Variants in CACNA1C observed in about 807,000 individuals in gnomAD.
CACNA1C encodes voltage-dependent L-type calcium channel subunit alpha-1C.
A neutral mutation model predicts 229.0 loss-of-function variants in CACNA1C; 30 were observed. The observed-to-expected ratio is 0.13, with a 90% CI of 0.10 to 0.18. The LOEUF is 0.18. CACNA1C is among the 10% of genes least tolerant of loss of function. The pLI, the probability that CACNA1C is intolerant of heterozygous loss-of-function variation, is 1.00. For synonymous variants in CACNA1C, 1,114 were observed against 1,132.5 expected, an observed-to-expected ratio of 0.98 and a Z score of 0.33; for missense variants, 1,658 against 2,845.0, an observed-to-expected ratio of 0.58 and a Z score of 9.49.
chr12:2,284,691 T>C (rs2092328570), intron 3 of CACNA1C, among the ~76,000 whole-genome samples: 1 of 152,242 alleles, frequency 6.6e-6, no homozygotes, highest in South Asian at 2.1e-4. Context: ...CTGTGCACTC[T>C]ATGGGGTCCT....
At chr12:2,341,909 A>G (rs1378379510) in intron 3 of CACNA1C, among the ~76,000 whole-genome samples, 3 of 152,138 alleles carry the variant, frequency 2.0e-5, no homozygotes, top group African/African-American at 7.2e-5. Flanking sequence ...ACATAGCCCC[A>G]TTCAGCTCAT....
chr12:2,289,173 CAG>C lies in CACNA1C; in HGVS notation c.478-159802_478-159801del, dbSNP rs200158013. On this transcript the variant is annotated intron_variant, in intron 3 of 46. Transcript: ENST00000399655. Reference sequence around the variant, plus strand: ...TGCTGGGTCTTCTCTCCTGCAGTGTCAGGGGGTGCAGACAGTACAGAGGGAGG... The same window carrying C: ...TGCTGGGTCTTCTCTCCTGCAGTGTCGGGGTGCAGACAGTACAGAGGGAGG... 9.4e-3 allele frequency among the ~76,000 whole-genome samples: 1,437 copies of C among 152,240 alleles called. 18 individuals are homozygous for C. Among genetic ancestry groups the C allele is most frequent in the African/African-American group, 0.033 (1,381 of 41,546 alleles).
intron 1 of CACNA1C, chr12:2,019,991 C>A (rs1433597572): frequency 6.6e-6 from 1 of 152,152 alleles, no homozygotes; most frequent in African/African-American, 2.4e-5. Context: ...TAAAGGTATA[C>A]ATTTCTTTCA....
At chr12:2,360,156 A>ACCCCCCC (rs796441635) in intron 3 of CACNA1C, among the ~76,000 whole-genome samples, 54 of 57,056 alleles carry the variant, frequency 9.5e-4, no homozygotes, top group East Asian at 1.4e-3. Context: ...AACACACCCC[A>ACCCCCCC]CCCCCCCCCA....
chr12:2,526,129 G>C (rs1287392412), intron 9 of CACNA1C, among the ~76,000 whole-genome samples: 2 of 152,198 alleles, frequency 1.3e-5, no homozygotes, highest in African/African-American at 4.8e-5. Context: ...CTGGTACCAG[G>C]TGCTGGATTC....
intron 3 of CACNA1C, among the ~76,000 whole-genome samples, chr12:2,417,022 G>A (rs779002552): frequency 3.3e-5 from 5 of 152,140 alleles, no homozygotes; most frequent in Non-Finnish European, 5.9e-5. Flanking sequence ...GTCTTGTTCC[G>A]TACACACCTC....
chr12:2,504,971 T>C lies in CACNA1C; in HGVS notation c.1217+26T>C, dbSNP rs1234649591. 4.5e-6 allele frequency: 5 copies of C among 1,103,090 alleles called. No homozygotes were observed. In the East Asian group the frequency reaches 9.4e-5, roughly 21 times the overall value. The allele number at this position is 1,103,090 out of a possible 1,614,324, so 68.3% of individuals were successfully genotyped here. A position where few individuals can be genotyped will look rare whatever the true frequency, so the allele number is the denominator to read the frequency against. On this transcript the variant is annotated intron_variant, in intron 8 of 46. Transcript: ENST00000399655. The surrounding 1 kb of genome is among the most constrained non-coding windows in gnomAD (Gnocchi z 6.8). ...GTAAGCAGGACCAAGGAAAAAGGTC[T>C]TGATTTTTCCATTTATTTTTATTTA...
At chr12:2,615,661 G>A (rs1397032064) in intron 29 of CACNA1C, among the ~76,000 whole-genome samples, 2 of 152,174 alleles carry the variant, frequency 1.3e-5, no homozygotes, top group Non-Finnish European at 2.9e-5. Flanking sequence ...AGCCCCTTCG[G>A]GCAGCTCTGA....
rs567254272 is a variant in CACNA1C at position 2,574,442 on chromosome 12, G to A, written c.1895+6648G>A. ...GACACACTTGGTTTTCAAGTGCAGT[G>A]AGGCCCCTCTAGCACTTGCTGTTTC... is the stretch of plus-strand genomic sequence containing the variant. On this transcript the variant is annotated intron_variant, in intron 13 of 46. Transcript: ENST00000399655. Among the ~76,000 whole-genome samples the A allele has an allele frequency of 1.8e-4, 28 of 152,304 alleles. No homozygotes were observed. In the South Asian group the frequency reaches 5.0e-3, roughly 27 times the overall value.
chr12:2,238,069 G>A (rs1445753063), intron 3 of CACNA1C, among the ~76,000 whole-genome samples: 1 of 152,174 alleles, frequency 6.6e-6, no homozygotes, highest in Non-Finnish European at 1.5e-5. Flanking sequence ...CCCACGGGTG[G>A]CAGAGACTCT....
chr12:2,426,325 T>A (rs894428795), intron 3 of CACNA1C, among the ~76,000 whole-genome samples: 6 of 152,126 alleles, frequency 3.9e-5, no homozygotes, highest in African/African-American at 1.4e-4. Context: ...GACAACAGTG[T>A]GTGAGAGATG....
chr12:2,344,103 A>C, intron 3 of CACNA1C, among the ~76,000 whole-genome samples: 1 of 152,200 alleles, frequency 6.6e-6, no homozygotes, highest in East Asian at 1.9e-4. Flanking sequence ...TTAGGTTACC[A>C]AAGACTTCCG....
chr12:2,572,760 CTTCTTCTGT>C (rs2056553172), intron 13 of CACNA1C, among the ~76,000 whole-genome samples: 2 of 133,070 alleles, frequency 1.5e-5, no homozygotes, highest in East Asian at 2.5e-4. Flanking sequence ...CTTCCTCCTC[CTTCTTCTGT>C]TCCTCCTTCT....
intron 3 of CACNA1C, among the ~76,000 whole-genome samples, chr12:2,334,151 G>T (rs1438724767): frequency 1.3e-5 from 2 of 152,104 alleles, no homozygotes; most frequent in African/African-American, 2.4e-5. Flanking sequence ...TCTCCTTCAG[G>T]TTACCCCCAC....
rs1208111281 is a variant in CACNA1C, at chr12:2,215,221, G to C, written c.477+94791G>C. Among the ~76,000 whole-genome samples, 1 of 152,190 alleles carries C rather than the reference G, an allele frequency of 6.6e-6. No homozygotes were observed. Among genetic ancestry groups the C allele is most frequent in the Admixed American group, 6.5e-5 (1 of 15,284 alleles). On this transcript the variant is annotated intron_variant, in intron 3 of 46. Coordinates refer to ENST00000399655, the MANE Select transcript of CACNA1C (RefSeq NM_000719.7). The surrounding 1 kb of genome is among the most constrained non-coding windows in gnomAD (Gnocchi z 5.0). ...CTTGGATTTAATCTGCTATTTGTGG[G>C]TGTTCTGTTGCATTCAGTGGGGCTT...
At chr12:2,391,919 G>A (rs1035154959) in intron 3 of CACNA1C, among the ~76,000 whole-genome samples, 1 of 152,210 alleles carries the variant, frequency 6.6e-6, no homozygotes, top group African/African-American at 2.4e-5. Flanking sequence ...CTGCCACGTG[G>A]CTGGTGGCCA....
intron 1 of CACNA1C, chr12:1,998,062 A>T (rs1027661197): frequency 5.6e-5 from 70 of 1,240,400 alleles, no homozygotes; most frequent in Non-Finnish European, 7.6e-5. Context: ...AATAGGAATT[A>T]TATATAACTT....
chr12:2,513,878 T>C (rs2154579811), intron 9 of CACNA1C, among the ~76,000 whole-genome samples: 1 of 152,368 alleles, frequency 6.6e-6, no homozygotes, highest in East Asian at 1.9e-4. Flanking sequence ...AGATGCATAG[T>C]AAATTTGAGA....
chr12:2,667,040 G>A (rs552463668), intron 37 of CACNA1C, among the ~76,000 whole-genome samples: 1 of 152,272 alleles, frequency 6.6e-6, no homozygotes, highest in Admixed American at 6.5e-5. Flanking sequence ...GGCATCCTGG[G>A]GTGGGAGACT....
Sources: allele counts gnomAD v4.1 joint callset (sites outside exome capture counted in the v4.1 genomes callset), GRCh38; gene constraint gnomAD v4.1.1; non-coding constraint Gnocchi (gnomAD v3.1); transcripts MANE v1.5; gene names NCBI Gene and HGNC (gene_info 2026-07-23, HGNC 2026-07-21).